MTG1: variants seen among roughly 807,000 people sequenced by gnomAD.
MTG1 encodes the protein mitochondrial ribosome-associated GTPase 1.
In MTG1, 30 loss-of-function variants were observed where a neutral mutation model predicts 39.5. That is an observed-to-expected ratio of 0.76 (90% confidence interval 0.57 to 1.03). The LOEUF is 1.03. Ranked by LOEUF, MTG1 falls within the 50% of genes least tolerant of loss-of-function variation. The pLI is 0.00. For synonymous variants in MTG1, 217 were observed against 179.0 expected (o/e 1.21, Z -1.69); for missense variants, 513 against 447.4 (o/e 1.15, Z -1.32).
At chr10:133,408,856 A>G (rs1564821571) in intron 9 of MTG1, among the ~76,000 whole-genome samples, 1 of 152,138 alleles carries the variant, frequency 6.6e-6, no homozygotes, top group Non-Finnish European at 1.5e-5. Context: ...AGTAGTCCCT[A>G]ATGATCCCTT....
intron 4 of MTG1, 88 bp downstream of exon 4, chr10:133,398,603 CAG>C (rs1183474417): frequency 1.4e-6 from 2 of 1,433,100 alleles, no homozygotes; most frequent in African/African-American, 1.4e-5. Context: ...TAGTAAGAAG[CAG>C]AGCTTTGGAA....
Position 133,402,436 on chromosome 10 carries a change from C to G in MTG1, c.670+191C>G, listed in dbSNP as rs1849896401. On this transcript the variant is annotated intron_variant, in intron 8 of 10. Transcript: ENST00000317502. This position sits in a 1 kb window ranked among gnomAD's most constrained non-coding sequence, Gnocchi z 4.7. ...CAGCTGACAGGCACTGGTCACCATT[C>G]CACCCTGCCCCATGAGTGGCCTTCC... 1 of 713,904 alleles carries G rather than the reference C, an allele frequency of 1.4e-6. No individual in the cohort carries two copies. Among genetic ancestry groups the G allele is most frequent in the Admixed American group, 2.5e-5 (1 of 40,382 alleles). 44.2% of individuals were successfully genotyped at this position (713,904 alleles called of 1,614,324 possible).
chr10:133,402,197 G>A lies in MTG1; in HGVS notation c.622G>A (p.Ala208Thr), dbSNP rs768638127. The change falls in exon 8 of 11, where the codon GCT (alanine) becomes ACT (threonine). Residue 208 changes from alanine (A) to threonine (T), a missense_variant. Physicochemically the swap from Ala to Thr is moderately conservative, Grantham distance 58. Coordinates refer to ENST00000317502, the MANE Select transcript of MTG1 (RefSeq NM_138384.4). This position sits in a 1 kb window ranked among gnomAD's most constrained non-coding sequence, Gnocchi z 4.7. ...MFLLDTPGVL[A>T]PRIESVETGL... ...CCTGTTGGACACTCCTGGCGTGCTG[G>A]CTCCTCGGATTGAAAGTGTGGAGAC... 1.2e-6 allele frequency: 2 copies of A among 1,614,124 alleles called. No homozygotes were observed. The highest frequency in any genetic ancestry group is 2.2e-5 in the South Asian group (2 of 91,082).
intron 3 of MTG1, among the ~76,000 whole-genome samples, chr10:133,397,779 G>GTTTTTTTTTTTTTTTT (rs35859911): frequency 4.3e-5 from 6 of 139,484 alleles, no homozygotes; most frequent in African/African-American, 1.1e-4. Flanking sequence ...CGTCCAGCCT[G>GTTTTTTTTTTTTTTTT]TTTTTTTTTT....
In MTG1 at chr10:133,395,766, C is replaced by T; in HGVS notation, c.166C>T (p.His56Tyr). 6.2e-7 allele frequency: 1 copy of T among 1,614,038 alleles called. No homozygotes were observed. The highest frequency in any genetic ancestry group is 8.5e-7 in the Non-Finnish European group (1 of 1,179,976). The change falls in exon 2 of 11, where the codon CAC becomes TAC. Residue 56 changes from histidine to tyrosine, a missense_variant. Transcript: ENST00000317502. ...GCTGGTGGACTGTATCATCGAGGTC[C>T]ACGATGCCCGGATATCCTTTCACAG... ...LKLVDCIIEVHDARIPLSGRN... is the reference protein window; with the variant it reads ...LKLVDCIIEVYDARIPLSGRN...
rs1043854913 is a variant in MTG1 at position 133,394,192 on chromosome 10, G to A, written c.-29G>A. On this transcript the variant is annotated 5_prime_UTR_variant, in exon 1 of 11. Transcript: ENST00000317502. ...CGCAGCGGCGCAGAGGAGGTCAGCTGCGGGAGCGTTTCCGGGGACGGTGCC... is the reference window on the plus strand; with the variant it reads ...CGCAGCGGCGCAGAGGAGGTCAGCTACGGGAGCGTTTCCGGGGACGGTGCC... The A allele has an allele frequency of 8.0e-6, 12 of 1,494,038 alleles. No homozygotes were observed. The highest frequency in any genetic ancestry group is 8.9e-6 in the Non-Finnish European group (10 of 1,119,022). 92.5% of individuals were successfully genotyped at this position (1,494,038 alleles called of 1,614,324 possible).
chr10:133,415,576 C>G (rs989674634), intron 9 of MTG1, among the ~76,000 whole-genome samples: 1 of 152,116 alleles, frequency 6.6e-6, no homozygotes, highest in African/African-American at 2.4e-5. Context: ...TTTTCACCTG[C>G]GTGGTGTCTG....
Position 133,420,458 on chromosome 10 carries a change from G to A in MTG1, c.*293G>A, listed in dbSNP as rs533080798. ...AGAAATGGATGCTGTCTCAGAAGGAGTTAAAGCTATAACCTGTAACCTTTA... is the reference window on the plus strand; with the variant it reads ...AGAAATGGATGCTGTCTCAGAAGGAATTAAAGCTATAACCTGTAACCTTTA... On this transcript the variant is annotated 3_prime_UTR_variant, in exon 11 of 11. Transcript: ENST00000317502. The A allele has an allele frequency of 5.2e-6, 2 of 387,774 alleles. No individual in the cohort carries two copies. Among genetic ancestry groups the A allele is most frequent in the Non-Finnish European group, 9.2e-6 (2 of 218,252 alleles). The allele number at this position is 387,774 out of a possible 1,614,324, so 24.0% of individuals were successfully genotyped here.
At chr10:133,399,799 T>A (rs1011111948) in intron 6 of MTG1, 180 bp downstream of exon 6, 1 of 548,364 alleles carries the variant, frequency 1.8e-6, no homozygotes, top group Non-Finnish European at 3.2e-6. Context: ...GGCTGAACAG[T>A]GGGACCAGGT....
At chr10:133,397,714 A>G (rs1292998103) in intron 3 of MTG1, among the ~76,000 whole-genome samples, 1 of 150,064 alleles carries the variant, frequency 6.7e-6, no homozygotes, top group Non-Finnish European at 1.5e-5. Context: ...TCCTGACCTC[A>G]TGATCCGCCC....
Position 133,402,669 on chromosome 10 carries a change from C to T in MTG1, c.671-23C>T. The T allele has an allele frequency of 6.3e-7, 1 of 1,584,090 alleles. No individual in the cohort carries two copies. The highest frequency in any genetic ancestry group is 8.6e-7 in the Non-Finnish European group (1 of 1,164,726). The stretch of plus-strand genomic sequence containing the variant: ...CATAGATGTGGCTGTTTCCAGTGCT[C>T]ACCTCGGCTGCTGCTTCCACAGGAA... On this transcript the variant is annotated intron_variant, in intron 8 of 10. Coordinates refer to ENST00000317502, the MANE Select transcript of MTG1 (RefSeq NM_138384.4). This position sits in a 1 kb window ranked among gnomAD's most constrained non-coding sequence, Gnocchi z 4.7.
rs1850249991 is a variant in MTG1, at chr10:133,422,014, T to A, written c.*1849T>A. Reference sequence around the variant, plus strand: ...TGAGCCCATGGAGGATGCCCCAGGCTGGCGGGACTGGGAAGCAGAGGGCTG... The same window carrying A: ...TGAGCCCATGGAGGATGCCCCAGGCAGGCGGGACTGGGAAGCAGAGGGCTG... On this transcript the variant is annotated 3_prime_UTR_variant, in exon 11 of 11. Coordinates refer to ENST00000317502, the MANE Select transcript of MTG1 (RefSeq NM_138384.4). The A allele has an allele frequency of 6.5e-6, 1 of 153,290 alleles. No homozygotes were observed. Among genetic ancestry groups the A allele is most frequent in the Admixed American group, 6.6e-5 (1 of 15,250 alleles). The allele number at this position is 153,290 out of a possible 1,614,324, so 9.5% of individuals were successfully genotyped here. A position where few individuals can be genotyped will look rare whatever the true frequency, so the allele number is the denominator to read the frequency against.
intron 9 of MTG1, among the ~76,000 whole-genome samples, chr10:133,404,078 C>CT (rs34621367): frequency 1.2e-4 from 17 of 138,894 alleles, no homozygotes; most frequent in Non-Finnish European, 2.1e-4. Context: ...ATCCTTTTCC[C>CT]TTTTTTTTTT....
chr10:133,398,125 G>A (rs1480334837), intron 3 of MTG1, among the ~76,000 whole-genome samples: 1 of 152,204 alleles, frequency 6.6e-6, no homozygotes, highest in Non-Finnish European at 1.5e-5. Flanking sequence ...AGCTGAATCA[G>A]TGAAGGACTT....
At position 133,420,195 on chromosome 10, in the gene MTG1, T is replaced by C; in HGVS notation, c.*30T>C. ...GTCCGGGTAGGGAGGGCCGGAGGCA[T>C]GTGGCCTCCCAGACCTCCTGACCTG... On this transcript the variant is annotated 3_prime_UTR_variant, in exon 11 of 11. Coordinates refer to ENST00000317502, the MANE Select transcript of MTG1 (RefSeq NM_138384.4). 1 of 1,582,914 alleles carries C rather than the reference T, an allele frequency of 6.3e-7. No homozygotes were observed. Among genetic ancestry groups the C allele is most frequent in the African/African-American group, 1.3e-5 (1 of 74,486 alleles).
chr10:133,407,201 G>A (rs1162644181), intron 9 of MTG1, among the ~76,000 whole-genome samples: 3 of 152,140 alleles, frequency 2.0e-5, no homozygotes, highest in Non-Finnish European at 4.4e-5. Flanking sequence ...TGGTTACTAC[G>A]AATATTTTGA....
intron 9 of MTG1, among the ~76,000 whole-genome samples, chr10:133,408,277 T>C (rs965723987): frequency 6.6e-6 from 1 of 152,264 alleles, no homozygotes; most frequent in Non-Finnish European, 1.5e-5. Flanking sequence ...CGTGAAGCGA[T>C]GCTGAATTTT....
rs985653553 is a variant in MTG1 at position 133,402,908 on chromosome 10, C to G, written c.752+135C>G. ...GTAACCTGCACATCGTTTAAAGCGT[C>G]CAGTTGGACAAGTTCGGGAGTATGG... On this transcript the variant is annotated intron_variant, in intron 9 of 10. Coordinates refer to ENST00000317502, the MANE Select transcript of MTG1 (RefSeq NM_138384.4). The surrounding 1 kb of genome is among the most constrained non-coding windows in gnomAD (Gnocchi z 4.7). The G allele has an allele frequency of 5.3e-5, 36 of 675,946 alleles. No individual in the cohort carries two copies. The highest frequency in any genetic ancestry group is 8.6e-5 in the Non-Finnish European group (35 of 405,546). 41.9% of individuals were successfully genotyped at this position (675,946 alleles called of 1,614,324 possible).
At chr10:133,417,754 T>C (rs995861445) in intron 9 of MTG1, among the ~76,000 whole-genome samples, 4 of 151,882 alleles carry the variant, frequency 2.6e-5, no homozygotes, top group Non-Finnish European at 5.9e-5. Context: ...AGCCAAATCA[T>C]GAGTGAACTC....
Sources: allele counts gnomAD v4.1 joint callset (sites outside exome capture counted in the v4.1 genomes callset), GRCh38; gene constraint gnomAD v4.1.1; non-coding constraint Gnocchi (gnomAD v3.1); transcripts MANE v1.5; gene names NCBI Gene and HGNC (gene_info 2026-07-23, HGNC 2026-07-21).